XKRX: variants seen among roughly 807,000 people sequenced by gnomAD.
XKRX encodes the protein XK related X-linked.
XKRX carries 11 observed loss-of-function variants against 22.4 expected under a neutral mutation model. That is an observed-to-expected ratio of 0.49 (90% CI 0.31 to 0.81). XKRX has a LOEUF of 0.81. XKRX is among the 40% of genes least tolerant of loss of function. The probability of loss-of-function intolerance (pLI) is 0.05; values close to 1 mark genes in which losing one functional copy is unlikely to be tolerated. For missense variants in XKRX, 320 were observed against 336.5 expected (o/e 0.95, Z 0.38); for synonymous variants, 114 against 132.2 (o/e 0.86, Z 0.94).
chrX:100,902,440 C>T, the XKRX span, among the ~76,000 whole-genome samples: 3 of 111,824 alleles, frequency 2.7e-5, no homozygotes, highest in Non-Finnish European at 3.8e-5. Context: ...CCAGACAAAA[C>T]ATTACAAGAA....
At chrX:100,915,728 A>G (rs865797071) in intron 2 of XKRX, among the ~76,000 whole-genome samples, 10 of 104,781 alleles carry the variant, frequency 9.5e-5, no homozygotes, top group Non-Finnish European at 1.4e-4. Flanking sequence ...GTGTGTGTGT[A>G]TGAATATTAT....
chrX:100,910,130 T>C (rs1449827500), downstream of XKRX, among the ~76,000 whole-genome samples: 1 of 110,461 alleles, frequency 9.1e-6, no homozygotes, highest in African/African-American at 3.3e-5. Context: ...CTACCAAATT[T>C]CCAATAATAT....
upstream of XKRX, chrX:100,929,372 G>C (rs2085513138): frequency 9.0e-6 from 1 of 111,346 alleles, no homozygotes; most frequent in African/African-American, 3.3e-5. Context: ...AAAGGGGCTT[G>C]GGCCGCTCTT....
chrX:100,952,974 TCTTA>T, the XKRX span, among the ~76,000 whole-genome samples: 1 of 112,476 alleles, frequency 8.9e-6, no homozygotes, highest in Non-Finnish European at 1.9e-5. Flanking sequence ...TAAGTTGGAC[TCTTA>T]CTTCACACCA....
At chrX:100,907,094 T>C in the XKRX span, among the ~76,000 whole-genome samples, 1 of 112,104 alleles carries the variant, frequency 8.9e-6, no homozygotes, top group Non-Finnish European at 1.9e-5. Flanking sequence ...GTAGGGGTAG[T>C]CATTATTCTT....
the XKRX span, among the ~76,000 whole-genome samples, chrX:100,898,977 C>G: frequency 3.6e-5 from 4 of 110,928 alleles, no homozygotes; most frequent in Admixed American, 2.9e-4. Flanking sequence ...AGTCACTAAA[C>G]AAACAACAAT....
chrX:100,928,143 C>T lies in XKRX; in HGVS notation c.162G>A (p.Met54Ile). The T allele has an allele frequency of 8.3e-7, 1 of 1,211,464 alleles. No homozygotes were observed. Residue 54 changes from methionine (M) to isoleucine (I), a missense_variant, in exon 1 of 3, where the codon ATG becomes ATA. Coordinates refer to ENST00000372956, the MANE Select transcript of XKRX (RefSeq NM_212559.3). ...YCGEAASALY[M>I]VRIYRKNSET... The stretch of plus-strand genomic sequence containing the variant: ...CACTATTCTTTCGATAGATTCTAAC[C>T]ATGTACAAAGCAGATGCAGCCTCCC...
At chrX:100,932,678 G>T (rs766100093), upstream of XKRX, among the ~76,000 whole-genome samples, 4 of 112,299 alleles carry the variant, frequency 3.6e-5, no homozygotes, top group African/African-American at 9.7e-5. Context: ...CCAAGGAATG[G>T]ATGTGTAAGA....
At chrX:100,937,825 C>T in the XKRX span, among the ~76,000 whole-genome samples, 1 of 112,030 alleles carries the variant, frequency 8.9e-6, no homozygotes, top group Non-Finnish European at 1.9e-5. Flanking sequence ...TTATTGGGTA[C>T]ATTAAGCACT....
At chrX:100,936,998 T>TC in the XKRX span, among the ~76,000 whole-genome samples, 1 of 108,044 alleles carries the variant, frequency 9.3e-6, no homozygotes, top group East Asian at 2.9e-4. Flanking sequence ...ACAGCCTTTT[T>TC]TTTTTTTTTT....
At chrX:100,931,146 T>A (rs1286000934), upstream of XKRX, among the ~76,000 whole-genome samples, 29 of 81,363 alleles carry the variant, frequency 3.6e-4, no homozygotes, top group African/African-American at 9.4e-4. Flanking sequence ...AAAATAAAAA[T>A]TAAAAATAAA....
the XKRX span, among the ~76,000 whole-genome samples, chrX:100,954,418 C>CA: frequency 0.056 from 4,779 of 85,203 alleles, 137 homozygotes; most frequent in Admixed American, 0.11. Flanking sequence ...GACTCTGTCT[C>CA]AAAAAAAAAA....
chrX:100,942,361 G>A, the XKRX span, among the ~76,000 whole-genome samples: 2 of 111,529 alleles, frequency 1.8e-5, no homozygotes, highest in African/African-American at 6.5e-5. Context: ...ATTCAAGAGA[G>A]TCTCCTCTTT....
chrX:100,924,921 T>TCCATAGATC (rs2085491914), intron 1 of XKRX, among the ~76,000 whole-genome samples: 1 of 111,484 alleles, frequency 9.0e-6, no homozygotes, highest in African/African-American at 3.3e-5. Flanking sequence ...GCTGCCAGTC[T>TCCATAGATC]CCATAGATCA....
chrX:100,954,953 CG>C, the XKRX span, among the ~76,000 whole-genome samples: 3 of 111,138 alleles, frequency 2.7e-5, no homozygotes, highest in Non-Finnish European at 5.7e-5. Flanking sequence ...GTTTGGGGCA[CG>C]GGGGGAGTGA....
At chrX:100,956,922 C>T in the XKRX span, 6 of 1,031,322 alleles carry the variant, frequency 5.8e-6, no homozygotes, top group African/African-American at 1.9e-5. Flanking sequence ...ACACTGTGGT[C>T]CATTGAATGA....
At chrX:100,923,375 T>C (rs1434613412) in intron 1 of XKRX, among the ~76,000 whole-genome samples, 1 of 111,958 alleles carries the variant, frequency 8.9e-6, no homozygotes, top group South Asian at 3.8e-4. Flanking sequence ...CTCAAACTCC[T>C]GGGCTCAAGC....
chrX:100,925,437 T>TA lies in XKRX; in HGVS notation c.336-2377dup, dbSNP rs200818776. ...ATCCAGAGTATAATTTATGAGTTTT[T>TA]ATCTTTTCTCTGCTGTGGGCTAAGC... On this transcript the variant is annotated intron_variant, in intron 1 of 2. Transcript: ENST00000372956. Among the ~76,000 whole-genome samples, 18 of 112,010 alleles carry TA rather than the reference T, an allele frequency of 1.6e-4. No homozygotes were observed. The East Asian group carries it at 4.5e-3, about 28-fold the overall frequency.
At chrX:100,917,708 AAGAAAGAAAG>A (rs1442680683) in intron 2 of XKRX, among the ~76,000 whole-genome samples, 7 of 107,548 alleles carry the variant, frequency 6.5e-5, no homozygotes, top group African/African-American at 2.0e-4. Context: ...GAAAGAAAGA[AAGAAAGAAAG>A]AAAGAAATCC....
Sources: allele counts gnomAD v4.1 joint callset (sites outside exome capture counted in the v4.1 genomes callset), GRCh38; gene constraint gnomAD v4.1.1; transcripts MANE v1.5; gene names NCBI Gene and HGNC (gene_info 2026-07-23, HGNC 2026-07-21).